Variants in SLCO2A1 observed in about 807,000 individuals in gnomAD.
SLCO2A1 encodes the protein matrin F/G 1.
A neutral mutation model predicts 71.7 loss-of-function variants in SLCO2A1; 60 were observed. The observed-to-expected ratio is 0.84, with a 90% confidence interval of 0.68 to 1.04. SLCO2A1 has a LOEUF of 1.04. Ranked by LOEUF, SLCO2A1 falls within the 50% of genes least tolerant of loss-of-function variation. SLCO2A1 has a pLI of 0.00. For synonymous variants in SLCO2A1, 308 were observed against 326.7 expected, an observed-to-expected ratio of 0.94 and a Z score of 0.62; for missense variants, 745 against 813.4, an observed-to-expected ratio of 0.92 and a Z score of 1.02.
intron 1 of SLCO2A1, among the ~76,000 whole-genome samples, chr3:133,981,624 T>G (rs1417293325): frequency 6.6e-6 from 1 of 152,190 alleles, no homozygotes; most frequent in Non-Finnish European, 1.5e-5. Flanking sequence ...GTCACCGGAC[T>G]AGAAGACTCT....
chr3:133,980,073 G>A (rs570459505), intron 1 of SLCO2A1, among the ~76,000 whole-genome samples: 1 of 152,316 alleles, frequency 6.6e-6, no homozygotes, highest in South Asian at 2.1e-4. Flanking sequence ...AGATGAACAA[G>A]CCCGGGTCAC....
chr3:134,007,745 C>G (rs562716686), intron 1 of SLCO2A1, among the ~76,000 whole-genome samples: 2 of 152,276 alleles, frequency 1.3e-5, no homozygotes, highest in African/African-American at 4.8e-5. Context: ...TGTGTGAGTA[C>G]TAAATTCCAG....
intron 1 of SLCO2A1, among the ~76,000 whole-genome samples, chr3:134,016,485 G>A (rs907202162): frequency 6.6e-6 from 1 of 152,146 alleles, no homozygotes; most frequent in Non-Finnish European, 1.5e-5. Context: ...ATGATGAGGT[G>A]TCACTATTCA....
At chr3:133,974,590 A>C (rs1324313791) in intron 2 of SLCO2A1, among the ~76,000 whole-genome samples, 1 of 152,132 alleles carries the variant, frequency 6.6e-6, no homozygotes, top group Non-Finnish European at 1.5e-5. Context: ...GCACCCCTAA[A>C]ACCCTTCCAG....
chr3:133,987,567 T>C (rs1477115993), intron 1 of SLCO2A1, among the ~76,000 whole-genome samples: 4 of 152,152 alleles, frequency 2.6e-5, no homozygotes, highest in African/African-American at 4.8e-5. Flanking sequence ...ATTTCTTAAA[T>C]GTATTTGATT....
chr3:133,960,515 C>T (rs542268534), intron 3 of SLCO2A1, among the ~76,000 whole-genome samples: 1 of 152,178 alleles, frequency 6.6e-6, no homozygotes, highest in African/African-American at 2.4e-5. Context: ...TTCACAGAAA[C>T]AGAAAGTAGA....
chr3:133,935,202 C>T (rs1366822261), intron 13 of SLCO2A1, among the ~76,000 whole-genome samples: 1 of 152,176 alleles, frequency 6.6e-6, no homozygotes, highest in African/African-American at 2.4e-5. Context: ...TCTTCTCTGC[C>T]ACTCCCATAC....
chr3:133,956,273 G>T (rs955270365), intron 3 of SLCO2A1, among the ~76,000 whole-genome samples: 3 of 152,150 alleles, frequency 2.0e-5, no homozygotes, highest in African/African-American at 7.2e-5. Context: ...CCTCACACTG[G>T]ACTCTGCCGG....
chr3:133,983,419 C>T (rs75911197), intron 1 of SLCO2A1, among the ~76,000 whole-genome samples: 5,490 of 152,298 alleles, frequency 0.036, 132 homozygotes, highest in Non-Finnish European at 0.057. Context: ...CCCAATGAGC[C>T]CTGTGCAGAT....
intron 1 of SLCO2A1, among the ~76,000 whole-genome samples, chr3:134,005,716 C>T (rs984369740): frequency 6.6e-6 from 1 of 152,046 alleles, no homozygotes; most frequent in Non-Finnish European, 1.5e-5. Flanking sequence ...CTCCTGACCA[C>T]GTGATCCACC....
intron 1 of SLCO2A1, among the ~76,000 whole-genome samples, chr3:134,018,522 T>G (rs563961757): frequency 2.1e-4 from 32 of 152,278 alleles, no homozygotes; most frequent in African/African-American, 7.7e-4. Flanking sequence ...AGGTTTGCCT[T>G]TCCCTTCTTC....
rs373768661 is a variant in SLCO2A1 at position 133,967,422 on chromosome 3, G to T, written c.397+6241C>A. On this transcript the variant is annotated intron_variant, in intron 3 of 13. Transcript: ENST00000310926. ...CATGGAGCGCAGAGCTCTCCCACCA[G>T]TTTCCAGCTTCGCTCCTTCCCGGGC... Among the ~76,000 whole-genome samples, 8 of 152,294 alleles carry T rather than the reference G, an allele frequency of 5.3e-5. No individual in the cohort carries two copies. The East Asian group carries it at 1.2e-3, about 22-fold the overall frequency.
intron 1 of SLCO2A1, among the ~76,000 whole-genome samples, chr3:133,989,770 C>T (rs933704680): frequency 3.3e-5 from 5 of 152,202 alleles, no homozygotes; most frequent in African/African-American, 1.2e-4. Context: ...CAAAATAATA[C>T]ACTTGTTCTG....
chr3:134,018,265 G>A (rs1240192439), intron 1 of SLCO2A1, among the ~76,000 whole-genome samples: 1 of 152,214 alleles, frequency 6.6e-6, no homozygotes, highest in African/African-American at 2.4e-5. Context: ...AACTCACTGG[G>A]TGGGTAAAGG....
At chr3:133,951,370 T>G in intron 5 of SLCO2A1, 26 bp from the exon 6 acceptor site, 1 of 1,612,644 alleles carries the variant, frequency 6.2e-7, no homozygotes, top group Admixed American at 1.7e-5. Context: ...AGAGTGCAAA[T>G]GTTTGTTGAA....
chr3:133,968,534 C>T (rs928847068), intron 3 of SLCO2A1, among the ~76,000 whole-genome samples: 4 of 152,224 alleles, frequency 2.6e-5, no homozygotes, highest in African/African-American at 9.6e-5. Context: ...GAATAAAGGA[C>T]TGGAAAGTGA....
At chr3:133,983,831 C>T (rs1033992372) in intron 1 of SLCO2A1, among the ~76,000 whole-genome samples, 1 of 152,148 alleles carries the variant, frequency 6.6e-6, no homozygotes, top group Non-Finnish European at 1.5e-5. Context: ...TTGGGAGAGA[C>T]GAGGGCTGGC....
At chr3:133,979,440 G>A in intron 2 of SLCO2A1, 41 bp downstream of exon 2, 3 of 1,613,286 alleles carry the variant, frequency 1.9e-6, no homozygotes, top group Non-Finnish European at 2.5e-6. Flanking sequence ...GGTCAGCGTG[G>A]TGCACAAGTG....
intron 1 of SLCO2A1, among the ~76,000 whole-genome samples, chr3:134,010,751 C>CAAAAAAAAA (rs57260052): frequency 4.4e-4 from 31 of 70,878 alleles, no homozygotes; most frequent in African/African-American, 1.5e-3. Flanking sequence ...AGACTCTGTC[C>CAAAAAAAAA]AAAAAAAAAA....
Sources: gnomAD v4.1 joint callset for allele counts (sites outside exome capture counted in the v4.1 genomes callset) on GRCh38, gnomAD v4.1.1 for gene constraint, MANE v1.5 for transcripts, NCBI Gene and HGNC (gene_info 2026-07-23, HGNC 2026-07-21) for gene names.